GPR4: variants seen among roughly 807,000 people sequenced by gnomAD.
The protein encoded by GPR4 is G-prodeshotein coupled receptor 4.
A neutral mutation model predicts 17.8 loss-of-function variants in GPR4; 11 were observed. That is an observed-to-expected ratio of 0.62 (90% CI 0.39 to 1.02). GPR4 has a LOEUF of 1.02. Among genes scored for constraint, GPR4 ranks in the 50% least tolerant of loss-of-function variants. GPR4 has a pLI of 0.00. For synonymous variants in GPR4, 219 were observed against 222.8 expected, an observed-to-expected ratio of 0.98 and a Z score of 0.15; for missense variants, 364 against 495.4, an observed-to-expected ratio of 0.73 and a Z score of 2.52.
chr19:45,597,442 C>G (rs1600024501), intron 1 of GPR4, among the ~76,000 whole-genome samples: 1 of 152,296 alleles, frequency 6.6e-6, no homozygotes, highest in African/African-American at 2.4e-5. Flanking sequence ...CCGACTCTCC[C>G]CTGCCCCAGG....
chr19:45,594,095 A>ATAT (rs1970032451), intron 1 of GPR4, among the ~76,000 whole-genome samples: 3 of 78,838 alleles, frequency 3.8e-5, no homozygotes, highest in Non-Finnish European at 7.5e-5. Flanking sequence ...TATATATATA[A>ATAT]AATAGATGCA....
rs1240658073 is a variant in GPR4, at chr19:45,591,069, A to C, written c.798T>G (p.Ser266=). 6.2e-7 allele frequency: 1 copy of C among 1,613,876 alleles called. No individual in the cohort carries two copies. Among genetic ancestry groups the C allele is most frequent in the Admixed American group, 1.7e-5 (1 of 60,010 alleles). Residue 266 remains serine, a synonymous_variant, in exon 2 of 2, where the codon TCT becomes TCG. Coordinates refer to ENST00000323040, the MANE Select transcript of GPR4 (RefSeq NM_005282.3). The surrounding 1 kb of genome is among the most constrained non-coding windows in gnomAD (Gnocchi z 7.6). Reference sequence around the variant, plus strand: ...TGAAAGCCAGTGAGCTGTGGTATGCAGAAAAGACGCGCTCCTCGAAGCCGC... The same window carrying C: ...TGAAAGCCAGTGAGCTGTGGTATGCCGAAAAGACGCGCTCCTCGAAGCCGC... ...WDCGFEERVF[S]AYHSSLAFTS... is the part of the protein sequence containing the mutation.
chr19:45,598,462 G>A (rs1970079987), intron 1 of GPR4, among the ~76,000 whole-genome samples: 1 of 151,948 alleles, frequency 6.6e-6, no homozygotes, highest in Admixed American at 6.6e-5. Context: ...ACTTCCCATT[G>A]CTAATTTCCT....
intron 1 of GPR4, among the ~76,000 whole-genome samples, chr19:45,593,882 T>C (rs1173043028): frequency 6.6e-6 from 1 of 151,236 alleles, no homozygotes; most frequent in Non-Finnish European, 1.5e-5. Flanking sequence ...TATTTCTTTT[T>C]ATTTATTTAT....
In GPR4 at chr19:45,591,921, C is replaced by T; in HGVS notation, c.-55G>A. ...CCCTGGCCCACGGGGGCTGTGGGGCCACAGGGAGCGGGAGGCCATGGGGCC... is the reference window on the plus strand; with the variant it reads ...CCCTGGCCCACGGGGGCTGTGGGGCTACAGGGAGCGGGAGGCCATGGGGCC... On this transcript the variant is annotated 5_prime_UTR_variant, in exon 2 of 2. The change creates a premature stop within an existing upstream ORF in the 5' untranslated region. Coordinates refer to ENST00000323040, the MANE Select transcript of GPR4 (RefSeq NM_005282.3). The surrounding 1 kb of genome is among the most constrained non-coding windows in gnomAD (Gnocchi z 7.6). 1 of 1,518,132 alleles carries T rather than the reference C, an allele frequency of 6.6e-7. No individual in the cohort carries two copies. Among genetic ancestry groups the T allele is most frequent in the Non-Finnish European group, 8.8e-7 (1 of 1,134,602 alleles). 94.0% of individuals were successfully genotyped at this position (1,518,132 alleles called of 1,614,324 possible). A position where few individuals can be genotyped will look rare whatever the true frequency, so the allele number is the denominator to read the frequency against.
At chr19:45,597,605 G>T (rs1011861376) in intron 1 of GPR4, among the ~76,000 whole-genome samples, 5 of 152,158 alleles carry the variant, frequency 3.3e-5, no homozygotes, top group African/African-American at 1.2e-4. Flanking sequence ...AATTACCAAG[G>T]TCATGGTCAG....
At chr19:45,596,340 G>C (rs373639276) in intron 1 of GPR4, among the ~76,000 whole-genome samples, 15 of 151,862 alleles carry the variant, frequency 9.9e-5, no homozygotes, top group East Asian at 9.7e-4. Context: ...GGAGTAGCTG[G>C]GATTACAGGC....
chr19:45,591,135 C>T lies in GPR4; in HGVS notation c.732G>A (p.Leu244=). 6.2e-7 allele frequency: 1 copy of T among 1,613,654 alleles called. No individual in the cohort carries two copies. The highest frequency in any genetic ancestry group is 8.5e-7 in the Non-Finnish European group (1 of 1,179,968). ...CCAGGTAGATGGCGCTGCGGGACAG[C>T]AAGAGCACGTGATAGGGCGCAAAGC... ...LVCFAPYHVL[L]LSRSAIYLGR... Residue 244 remains leucine (L), a synonymous_variant, in exon 2 of 2, where the codon TTG becomes TTA. Transcript: ENST00000323040. This position sits in a 1 kb window ranked among gnomAD's most constrained non-coding sequence, Gnocchi z 7.6.
chr19:45,593,912 C>T (rs1256558633), intron 1 of GPR4, among the ~76,000 whole-genome samples: 9 of 150,416 alleles, frequency 6.0e-5, no homozygotes, highest in Admixed American at 6.0e-4. Flanking sequence ...CAGGGTCTTG[C>T]TCTTTTGTCC....
chr19:45,599,393 C>A (rs897168190), intron 1 of GPR4, among the ~76,000 whole-genome samples: 1 of 151,998 alleles, frequency 6.6e-6, no homozygotes, highest in African/African-American at 2.4e-5. Flanking sequence ...CTCACCTCCC[C>A]CTTTTCCTCC....
At chr19:45,596,665 C>T (rs1970061566) in intron 1 of GPR4, among the ~76,000 whole-genome samples, 1 of 152,156 alleles carries the variant, frequency 6.6e-6, no homozygotes, top group Admixed American at 6.5e-5. Flanking sequence ...CCACCTCAGC[C>T]TCGTAAGTGG....
chr19:45,596,613 T>TA (rs1970061144), intron 1 of GPR4, among the ~76,000 whole-genome samples: 1 of 152,182 alleles, frequency 6.6e-6, no homozygotes. Context: ...AGTGCAATCT[T>TA]GACTCACTGC....
chr19:45,593,681 G>A (rs1407599918), intron 1 of GPR4, among the ~76,000 whole-genome samples: 2 of 151,958 alleles, frequency 1.3e-5, no homozygotes, highest in Non-Finnish European at 2.9e-5. Context: ...GTCACAGACA[G>A]GGAGAAGGGG....
intron 1 of GPR4, among the ~76,000 whole-genome samples, chr19:45,596,097 C>T (rs1331527390): frequency 6.6e-6 from 1 of 152,198 alleles, no homozygotes; most frequent in Non-Finnish European, 1.5e-5. Flanking sequence ...CGTCATCACT[C>T]GCTGGGATCA....
intron 1 of GPR4, among the ~76,000 whole-genome samples, chr19:45,595,486 C>T (rs1970049502): frequency 6.6e-6 from 1 of 151,950 alleles, no homozygotes; most frequent in African/African-American, 2.4e-5. Context: ...CAGTCTCCTC[C>T]CTCAGGGACC....
In GPR4 at chr19:45,591,911, G is replaced by A. The variant is rs1453784506; in HGVS notation, c.-45C>T. 2.0e-5 allele frequency: 31 copies of A among 1,523,000 alleles called. No homozygotes were observed. Among genetic ancestry groups the A allele is most frequent in the Non-Finnish European group, 2.6e-5 (29 of 1,136,328 alleles). 94.3% of individuals were successfully genotyped at this position (1,523,000 alleles called of 1,614,324 possible). A position where few individuals can be genotyped will look rare whatever the true frequency, so the allele number is the denominator to read the frequency against. On this transcript the variant is annotated 5_prime_UTR_variant, in exon 2 of 2. Transcript: ENST00000323040. This position sits in a 1 kb window ranked among gnomAD's most constrained non-coding sequence, Gnocchi z 7.6. The stretch of plus-strand genomic sequence containing the variant: ...GGGGCGCTTCCCCTGGCCCACGGGG[G>A]CTGTGGGGCCACAGGGAGCGGGAGG...
intron 1 of GPR4, among the ~76,000 whole-genome samples, chr19:45,597,598 T>C (rs1400985853): frequency 6.6e-6 from 1 of 152,156 alleles, no homozygotes; most frequent in Non-Finnish European, 1.5e-5. Context: ...CTCAATAAAT[T>C]ACCAAGGTCA....
intron 1 of GPR4, among the ~76,000 whole-genome samples, 187 bp downstream of exon 1, chr19:45,601,908 G>A (rs976381988): frequency 6.6e-6 from 1 of 152,166 alleles, no homozygotes; most frequent in Non-Finnish European, 1.5e-5. Context: ...CACAGACACA[G>A]AGACATCAGG....
Position 45,593,454 on chromosome 19 carries a change from G to A in GPR4, c.-831-757C>T, listed in dbSNP as rs139834526. Among the ~76,000 whole-genome samples the A allele has an allele frequency of 5.6e-4, 79 of 139,844 alleles. 1 individual carries two copies. The East Asian group carries it at 0.014, about 25-fold the overall frequency. The allele number at this position is 139,844 out of a possible 152,430, so 91.7% of individuals were successfully genotyped here. A position where few individuals can be genotyped will look rare whatever the true frequency, so the allele number is the denominator to read the frequency against. On this transcript the variant is annotated intron_variant, in intron 1 of 1. Coordinates refer to ENST00000323040, the MANE Select transcript of GPR4 (RefSeq NM_005282.3). ...GCGGAGGTTGCAGTGAGCTGAGATC[G>A]CACCACTGCACTCCAGCCTGGGCAA...
Sources: gnomAD v4.1 joint callset for allele counts (sites outside exome capture counted in the v4.1 genomes callset) on GRCh38, gnomAD v4.1.1 for gene constraint, Gnocchi (gnomAD v3.1) non-coding constraint, MANE v1.5 for transcripts, NCBI Gene and HGNC (gene_info 2026-07-23, HGNC 2026-07-21) for gene names.